The following PDGFD variants were observed in gnomAD, a reference collection of about 807,000 sequenced individuals.
The protein encoded by PDGFD is platelet-derived growth factor D.
A neutral mutation model predicts 44.7 loss-of-function variants in PDGFD; 30 were observed. The observed-to-expected ratio is 0.67, with a 90% CI of 0.50 to 0.91. PDGFD has a LOEUF of 0.91. Among genes scored for constraint, PDGFD ranks in the 40% least tolerant of loss-of-function variants. PDGFD has a pLI of 0.00. For synonymous variants in PDGFD, 173 were observed against 168.4 expected, an observed-to-expected ratio of 1.03 and a Z score of -0.21; for missense variants, 445 against 457.8, an observed-to-expected ratio of 0.97 and a Z score of 0.25.
chr11:103,937,022 C>T (rs1858499755), intron 5 of PDGFD, among the ~76,000 whole-genome samples: 1 of 151,914 alleles, frequency 6.6e-6, no homozygotes, highest in Non-Finnish European at 1.5e-5. Flanking sequence ...GACAGGTTCT[C>T]ACCATGTTGC....
chr11:104,039,427 C>T (rs962094443), intron 1 of PDGFD, among the ~76,000 whole-genome samples: 1 of 152,052 alleles, frequency 6.6e-6, no homozygotes, highest in African/African-American at 2.4e-5. Flanking sequence ...ATAACTCTCC[C>T]TTATAATCTC....
chr11:104,120,636 C>G (rs1356815087), intron 1 of PDGFD, among the ~76,000 whole-genome samples: 2 of 151,896 alleles, frequency 1.3e-5, no homozygotes, highest in East Asian at 3.9e-4. Context: ...GTATTCTTCT[C>G]TCCATATGGC....
chr11:104,039,941 C>T (rs1395707158), intron 1 of PDGFD, among the ~76,000 whole-genome samples: 1 of 152,048 alleles, frequency 6.6e-6, no homozygotes, highest in Non-Finnish European at 1.5e-5. Flanking sequence ...CACATGATAC[C>T]AAATCTGACC....
chr11:104,107,239 T>C (rs1861484286), intron 1 of PDGFD, among the ~76,000 whole-genome samples: 1 of 152,152 alleles, frequency 6.6e-6, no homozygotes, highest in Non-Finnish European at 1.5e-5. Flanking sequence ...GGTCGATCTA[T>C]AGGTAATAAA....
intron 3 of PDGFD, among the ~76,000 whole-genome samples, chr11:103,974,810 G>A (rs1201117830): frequency 6.6e-6 from 1 of 152,114 alleles, no homozygotes; most frequent in Non-Finnish European, 1.5e-5. Context: ...CCATGTTGCT[G>A]CAAAAGACAT....
At chr11:103,986,063 T>A (rs1859358590) in intron 3 of PDGFD, among the ~76,000 whole-genome samples, 1 of 152,218 alleles carries the variant, frequency 6.6e-6, no homozygotes, top group Non-Finnish European at 1.5e-5. Flanking sequence ...AATCCGTAGC[T>A]CAATTTGCTC....
intron 5 of PDGFD, among the ~76,000 whole-genome samples, chr11:103,933,132 A>G (rs1858431686): frequency 6.6e-6 from 1 of 152,204 alleles, no homozygotes; most frequent in Admixed American, 6.5e-5. Context: ...TCTGTTATGA[A>G]AAGTGCTAAA....
chr11:104,105,596 C>T (rs773550400), intron 1 of PDGFD, among the ~76,000 whole-genome samples: 5 of 151,566 alleles, frequency 3.3e-5, no homozygotes, highest in South Asian at 2.1e-4. Flanking sequence ...ATTTTCCAAA[C>T]GCTTATTCAG....
intron 1 of PDGFD, among the ~76,000 whole-genome samples, chr11:104,001,751 T>A (rs996498622): frequency 1.3e-5 from 2 of 151,952 alleles, no homozygotes; most frequent in African/African-American, 4.8e-5. Flanking sequence ...CTGCAGAGAG[T>A]TTACTTTGAG....
chr11:104,029,617 A>C (rs1341160162), intron 1 of PDGFD, among the ~76,000 whole-genome samples: 2 of 152,218 alleles, frequency 1.3e-5, no homozygotes, highest in Non-Finnish European at 2.9e-5. Flanking sequence ...ACTCTGTCCT[A>C]TTTGGAAGCT....
intron 1 of PDGFD, among the ~76,000 whole-genome samples, chr11:104,004,220 T>A (rs1021044243): frequency 6.6e-6 from 1 of 152,194 alleles, no homozygotes; most frequent in Non-Finnish European, 1.5e-5. Flanking sequence ...TTCCTTCTTA[T>A]GTAGTTTGAT....
At chr11:104,113,053 C>T (rs1042256477) in intron 1 of PDGFD, among the ~76,000 whole-genome samples, 2 of 152,008 alleles carry the variant, frequency 1.3e-5, no homozygotes, top group African/African-American at 2.4e-5. Context: ...ATAAGACCTA[C>T]AATACCAAAA....
intron 1 of PDGFD, among the ~76,000 whole-genome samples, chr11:104,081,213 T>A (rs1591154008): frequency 6.6e-6 from 1 of 152,356 alleles, no homozygotes; most frequent in East Asian, 1.9e-4. Flanking sequence ...ATGCAATAGA[T>A]AAATAATATG....
intron 5 of PDGFD, among the ~76,000 whole-genome samples, chr11:103,929,018 A>G (rs1341892695): frequency 6.6e-6 from 1 of 152,192 alleles, no homozygotes; most frequent in Non-Finnish European, 1.5e-5. Flanking sequence ...AAGAGGTACA[A>G]TTAGCAGGAA....
chr11:104,046,976 T>G (rs1279874758), intron 1 of PDGFD, among the ~76,000 whole-genome samples: 1 of 146,334 alleles, frequency 6.8e-6, no homozygotes, highest in African/African-American at 2.5e-5. Context: ...CACTTATGAG[T>G]GAGAACATGA....
intron 3 of PDGFD, among the ~76,000 whole-genome samples, chr11:103,948,358 C>CA (rs1858693088): frequency 6.6e-6 from 1 of 152,082 alleles, no homozygotes; most frequent in South Asian, 2.1e-4. Context: ...GAAGGAAGGT[C>CA]AAGGGCAGAC....
intron 1 of PDGFD, among the ~76,000 whole-genome samples, chr11:104,130,000 GAAAAAA>G (rs34312271): frequency 7.8e-6 from 1 of 128,586 alleles, no homozygotes; most frequent in South Asian, 2.6e-4. Context: ...CAAGACCTCT[GAAAAAA>G]AAAAAAAAGG....
At chr11:104,050,556 C>T (rs113361504) in intron 1 of PDGFD, among the ~76,000 whole-genome samples, 1 of 152,160 alleles carries the variant, frequency 6.6e-6, no homozygotes, top group Non-Finnish European at 1.5e-5. Context: ...TGGACATACA[C>T]CCTTGGGCAA....
At chr11:104,163,761 A>G (rs1862423286) in intron 1 of PDGFD, 43 bp downstream of exon 1, 1 of 1,499,778 alleles carries the variant, frequency 6.7e-7, no homozygotes. Flanking sequence ...ACAATAGCAA[A>G]CATGATTTTT....
Sources: gnomAD v4.1 joint callset for allele counts (sites outside exome capture counted in the v4.1 genomes callset) on GRCh38, gnomAD v4.1.1 for gene constraint, MANE v1.5 for transcripts, NCBI Gene and HGNC (gene_info 2026-07-23, HGNC 2026-07-21) for gene names.